JPH1: variants seen among roughly 807,000 people sequenced by gnomAD.
JPH1 encodes junctophilin-1.
JPH1 carries 12 observed loss-of-function variants against 53.6 expected under a neutral mutation model. The observed-to-expected ratio is 0.22, with a 90% CI of 0.14 to 0.36. The LOEUF (loss-of-function observed/expected upper bound fraction) is 0.36. JPH1 is among the 10% of genes least tolerant of loss of function. The pLI, the probability that JPH1 is intolerant of heterozygous loss-of-function variation, is 1.00. For missense variants in JPH1, 808 were observed against 905.5 expected, an observed-to-expected ratio of 0.89 and a Z score of 1.38; for synonymous variants, 375 against 363.8, an observed-to-expected ratio of 1.03 and a Z score of -0.35.
intron 2 of JPH1, among the ~76,000 whole-genome samples, chr8:74,292,614 TTAA>T (rs1277621843): frequency 6.6e-6 from 1 of 151,918 alleles, no homozygotes; most frequent in Non-Finnish European, 1.5e-5. Flanking sequence ...TGAAGATATT[TTAA>T]TAATCTTAAC....
intron 2 of JPH1, among the ~76,000 whole-genome samples, chr8:74,263,896 G>A (rs760102529): frequency 5.9e-5 from 9 of 152,174 alleles, no homozygotes; most frequent in Non-Finnish European, 1.3e-4. Flanking sequence ...ATTATCCTGT[G>A]TAGACAGTTG....
At chr8:74,266,437 A>G (rs1806533913) in intron 2 of JPH1, among the ~76,000 whole-genome samples, 1 of 152,220 alleles carries the variant, frequency 6.6e-6, no homozygotes, top group South Asian at 2.1e-4. Context: ...CATTAAGTTA[A>G]GTGAAATAAG....
intron 2 of JPH1, among the ~76,000 whole-genome samples, chr8:74,314,270 A>G (rs1251354382): frequency 6.6e-6 from 1 of 152,256 alleles, no homozygotes; most frequent in African/African-American, 2.4e-5. Flanking sequence ...TTAACAATGC[A>G]TGCCAGATTT....
rs73689728 is a variant in JPH1, at chr8:74,320,402, G to A, written c.379+507C>T. 0.026 allele frequency among the ~76,000 whole-genome samples: 3,942 copies of A among 152,286 alleles called. 167 individuals carry two copies. Among genetic ancestry groups the A allele is most frequent in the African/African-American group, 0.083 (3,433 of 41,570 alleles). On this transcript the variant is annotated intron_variant, in intron 1 of 5. Coordinates refer to ENST00000342232, the MANE Select transcript of JPH1 (RefSeq NM_020647.4). This position sits in a 1 kb window ranked among gnomAD's most constrained non-coding sequence, Gnocchi z 4.4. ...TTCTGGCTTCTATCTTTAGGCTACT[G>A]GAGGACCAGAAGCGAAATACGACTC...
intron 2 of JPH1, among the ~76,000 whole-genome samples, chr8:74,287,405 G>A (rs1250036340): frequency 2.0e-5 from 3 of 150,626 alleles, no homozygotes; most frequent in Non-Finnish European, 2.9e-5. Flanking sequence ...GGGCAACAGA[G>A]CGAGACTCTG....
At chr8:74,256,323 A>G (rs1806228572) in intron 3 of JPH1, among the ~76,000 whole-genome samples, 1 of 150,730 alleles carries the variant, frequency 6.6e-6, no homozygotes, top group African/African-American at 2.4e-5. Flanking sequence ...GTTCTCACTC[A>G]TAGGTGGGAA....
intron 2 of JPH1, among the ~76,000 whole-genome samples, chr8:74,291,979 G>A (rs1807341081): frequency 6.6e-6 from 1 of 152,100 alleles, no homozygotes; most frequent in Non-Finnish European, 1.5e-5. Flanking sequence ...TGAACAATGA[G>A]AACACTTGTA....
At chr8:74,239,066 T>C (rs1022696212) in intron 4 of JPH1, among the ~76,000 whole-genome samples, 2 of 151,968 alleles carry the variant, frequency 1.3e-5, no homozygotes, top group African/African-American at 4.9e-5. Context: ...GAGTCCCCTT[T>C]AAGTGGGGAC....
intron 2 of JPH1, among the ~76,000 whole-genome samples, chr8:74,284,886 G>A (rs778114730): frequency 6.7e-6 from 1 of 149,632 alleles, no homozygotes; most frequent in African/African-American, 2.5e-5. Flanking sequence ...ATGCAGTGGC[G>A]CAATCTCGGC....
intron 2 of JPH1, among the ~76,000 whole-genome samples, chr8:74,289,052 C>G (rs1318376375): frequency 6.6e-6 from 1 of 152,142 alleles, no homozygotes; most frequent in Non-Finnish European, 1.5e-5. Flanking sequence ...AGTGGGGAAG[C>G]TGCAGCATAA....
intron 2 of JPH1, among the ~76,000 whole-genome samples, chr8:74,307,727 G>T (rs1807881108): frequency 6.6e-6 from 1 of 152,108 alleles, no homozygotes; most frequent in African/African-American, 2.4e-5. Flanking sequence ...CTGTAGAAAA[G>T]GTGATCTAAA....
intron 4 of JPH1, among the ~76,000 whole-genome samples, chr8:74,242,788 AGG>A (rs990288724): frequency 2.6e-4 from 40 of 152,322 alleles, no homozygotes; most frequent in Admixed American, 8.5e-4. Context: ...TGGGGTGTAG[AGG>A]GGTACCCTAA....
At chr8:74,238,291 G>A (rs1373388738) in intron 4 of JPH1, among the ~76,000 whole-genome samples, 1 of 152,118 alleles carries the variant, frequency 6.6e-6, no homozygotes, top group African/African-American at 2.4e-5. Flanking sequence ...TGTTTTTTGG[G>A]TGTGGGGTAA....
chr8:74,254,172 A>G (rs1003381372), intron 3 of JPH1, among the ~76,000 whole-genome samples: 8 of 152,186 alleles, frequency 5.3e-5, no homozygotes, highest in African/African-American at 1.9e-4. Context: ...GAATCCAGCA[A>G]CACATCAAAA....
At chr8:74,319,007 TAGA>T (rs1442017920) in intron 1 of JPH1, among the ~76,000 whole-genome samples, 2 of 152,018 alleles carry the variant, frequency 1.3e-5, no homozygotes, top group Non-Finnish European at 2.9e-5. Context: ...TTTTTTTTGG[TAGA>T]AGAAGAAAAC....
chr8:74,283,331 A>G (rs1007255061), intron 2 of JPH1, among the ~76,000 whole-genome samples: 7 of 152,136 alleles, frequency 4.6e-5, no homozygotes, highest in African/African-American at 7.2e-5. Context: ...AATTAAAAAT[A>G]TAGAAAACAA....
chr8:74,287,047 A>G (rs564107512), intron 2 of JPH1, among the ~76,000 whole-genome samples: 4 of 152,290 alleles, frequency 2.6e-5, no homozygotes, highest in African/African-American at 9.6e-5. Context: ...TTAATTTACA[A>G]CTCTCAAGAG....
chr8:74,304,643 T>C (rs1305364305), intron 2 of JPH1, among the ~76,000 whole-genome samples: 3 of 60,922 alleles, frequency 4.9e-5, no homozygotes, highest in Non-Finnish European at 9.3e-5. Flanking sequence ...CCACACCAAT[T>C]TAAAAAATGG....
At chr8:74,263,295 C>T (rs187505631) in intron 2 of JPH1, among the ~76,000 whole-genome samples, 24 of 152,208 alleles carry the variant, frequency 1.6e-4, no homozygotes, top group African/African-American at 5.5e-4. Flanking sequence ...CAAAATTGTG[C>T]TGATTTTGAT....
Sources: gnomAD v4.1 joint callset for allele counts (sites outside exome capture counted in the v4.1 genomes callset) on GRCh38, gnomAD v4.1.1 for gene constraint, Gnocchi (gnomAD v3.1) non-coding constraint, MANE v1.5 for transcripts, NCBI Gene and HGNC (gene_info 2026-07-23, HGNC 2026-07-21) for gene names.